The following KLF12 variants were observed in gnomAD, a reference collection of about 807,000 sequenced individuals.
The protein encoded by KLF12 is KLF transcription factor 12, also known as Krueppel-like factor 12.
A neutral mutation model predicts 37.8 loss-of-function variants in KLF12; 9 were observed. The ratio of observed to expected loss-of-function variants is 0.24; its 90% CI spans 0.14 to 0.42. The LOEUF is 0.42. KLF12 is among the 10% of genes least tolerant of loss of function. The pLI is 1.00. For missense variants in KLF12, 411 were observed against 516.0 expected, an observed-to-expected ratio of 0.80 and a Z score of 1.97; for synonymous variants, 208 against 202.1, an observed-to-expected ratio of 1.03 and a Z score of -0.25.
intron 2 of KLF12, among the ~76,000 whole-genome samples, chr13:73,975,634 C>T (rs1321999919): frequency 6.6e-6 from 1 of 152,172 alleles, no homozygotes; most frequent in African/African-American, 2.4e-5. Context: ...CTCACAAACA[C>T]ACCTTCTTAG....
chr13:73,859,651 T>C (rs1361436990), intron 3 of KLF12, among the ~76,000 whole-genome samples: 1 of 152,210 alleles, frequency 6.6e-6, no homozygotes, highest in African/African-American at 2.4e-5. Context: ...ATAATGTCTA[T>C]TTCTTATTTA....
At chr13:73,898,167 A>T (rs564397055) in intron 3 of KLF12, among the ~76,000 whole-genome samples, 1 of 152,094 alleles carries the variant, frequency 6.6e-6, no homozygotes, top group Non-Finnish European at 1.5e-5. Flanking sequence ...TTCTTAATAT[A>T]TATTTCCTAT....
intron 5 of KLF12, among the ~76,000 whole-genome samples, chr13:73,770,783 A>C (rs1880216776): frequency 6.6e-6 from 1 of 152,076 alleles, no homozygotes; most frequent in Admixed American, 6.6e-5. Flanking sequence ...TCAGCCTCCC[A>C]AAGTGCTGGG....
At chr13:74,269,240 A>G in the KLF12 span, among the ~76,000 whole-genome samples, 2 of 152,230 alleles carry the variant, frequency 1.3e-5, no homozygotes, top group Non-Finnish European at 2.9e-5. Flanking sequence ...ATGATTTTCC[A>G]TAAACAAGAA....
chr13:73,836,920 A>G (rs562898589), intron 4 of KLF12, among the ~76,000 whole-genome samples: 1 of 152,320 alleles, frequency 6.6e-6, no homozygotes, highest in African/African-American at 2.4e-5. Context: ...ACTTGACCTA[A>G]TAAATAAAAT....
chr13:74,081,975 A>G (rs1280131062), intron 1 of KLF12, among the ~76,000 whole-genome samples: 1 of 152,194 alleles, frequency 6.6e-6, no homozygotes, highest in Admixed American at 6.5e-5. Flanking sequence ...ATTGTTACCT[A>G]ATTAAAAGTA....
chr13:73,802,849 A>G (rs563019393), intron 5 of KLF12, among the ~76,000 whole-genome samples: 1 of 152,190 alleles, frequency 6.6e-6, no homozygotes, highest in East Asian at 1.9e-4. Context: ...ACAGGTATGT[A>G]CCAGGATAAA....
chr13:73,838,407 A>AT (rs1158356753), intron 4 of KLF12, among the ~76,000 whole-genome samples: 2 of 152,204 alleles, frequency 1.3e-5, no homozygotes, highest in African/African-American at 4.8e-5. Context: ...GTGTCTAAAT[A>AT]TAGTAAGAAA....
At chr13:74,284,685 G>T in the KLF12 span, among the ~76,000 whole-genome samples, 4 of 152,272 alleles carry the variant, frequency 2.6e-5, no homozygotes, top group African/African-American at 9.6e-5. Context: ...CTCTAAGCCT[G>T]GTGGGCAATG....
At chr13:73,978,064 A>G (rs1407911586) in intron 2 of KLF12, among the ~76,000 whole-genome samples, 1 of 152,228 alleles carries the variant, frequency 6.6e-6, no homozygotes, top group Non-Finnish European at 1.5e-5. Context: ...CAGTTCAAAG[A>G]TGATTTTTTT....
chr13:74,112,225 T>A (rs1326247254), intron 1 of KLF12, among the ~76,000 whole-genome samples: 1 of 151,832 alleles, frequency 6.6e-6, no homozygotes, highest in African/African-American at 2.4e-5. Context: ...TGTGTGTGTA[T>A]GATATGTATG....
chr13:74,276,702 A>G, the KLF12 span, among the ~76,000 whole-genome samples: 1 of 151,990 alleles, frequency 6.6e-6, no homozygotes, highest in South Asian at 2.1e-4. Flanking sequence ...AGGACAGGCA[A>G]CTCTTCATCT....
chr13:74,174,065 A>T, the KLF12 span, among the ~76,000 whole-genome samples: 1 of 152,130 alleles, frequency 6.6e-6, no homozygotes, highest in African/African-American at 2.4e-5. Context: ...CATTCCAGGG[A>T]CTTCTACATG....
At chr13:74,107,525 G>A (rs956956157) in intron 1 of KLF12, among the ~76,000 whole-genome samples, 4 of 152,194 alleles carry the variant, frequency 2.6e-5, no homozygotes, top group Non-Finnish European at 5.9e-5. Context: ...TTAAATGTGA[G>A]GTCTCTCTCA....
upstream of KLF12, among the ~76,000 whole-genome samples, chr13:74,136,596 A>G (rs377253935): frequency 6.6e-5 from 10 of 152,170 alleles, no homozygotes; most frequent in African/African-American, 1.4e-4. Context: ...CCATAAATAT[A>G]TTCTATAGCG....
chr13:74,237,525 C>A, the KLF12 span, among the ~76,000 whole-genome samples: 1 of 145,810 alleles, frequency 6.9e-6, no homozygotes, highest in Non-Finnish European at 1.5e-5. Context: ...CTGTAAATTA[C>A]CTTGGGCAGT....
At chr13:74,149,038 C>A in the KLF12 span, among the ~76,000 whole-genome samples, 1 of 152,164 alleles carries the variant, frequency 6.6e-6, no homozygotes, top group East Asian at 1.9e-4. Context: ...TTGTCTTGAA[C>A]CCCTGACCTC....
At chr13:74,104,194 A>G (rs1308802217) in intron 1 of KLF12, among the ~76,000 whole-genome samples, 2 of 152,194 alleles carry the variant, frequency 1.3e-5, no homozygotes, top group East Asian at 3.8e-4. Flanking sequence ...ATATTGTTTC[A>G]ATGATTTGTA....
chr13:74,169,938 C>G, the KLF12 span, among the ~76,000 whole-genome samples: 1 of 152,228 alleles, frequency 6.6e-6, no homozygotes, highest in African/African-American at 2.4e-5. Flanking sequence ...ACATTTTTCA[C>G]TCCACCTTTA....
Sources: allele counts gnomAD v4.1 joint callset (sites outside exome capture counted in the v4.1 genomes callset), GRCh38; gene constraint gnomAD v4.1.1; transcripts MANE v1.5; gene names NCBI Gene and HGNC (gene_info 2026-07-23, HGNC 2026-07-21).